Variants in ADGRV1 observed in about 807,000 individuals in gnomAD.
ADGRV1 encodes the protein G-protein coupled receptor 98.
ADGRV1 carries 359 observed loss-of-function variants against 596.2 expected under a neutral mutation model. That is an observed-to-expected ratio of 0.60 (90% CI 0.55 to 0.66). The LOEUF (loss-of-function observed/expected upper bound fraction) is 0.66. ADGRV1 is among the 30% of genes least tolerant of loss of function. The pLI is 0.00. For synonymous variants in ADGRV1, 2,681 were observed against 2,679.2 expected (o/e 1.00, Z -0.02); for missense variants, 7,274 against 7,575.6 (o/e 0.96, Z 1.48).
At chr5:90,682,760 C>A (rs544986175) in intron 27 of ADGRV1, among the ~76,000 whole-genome samples, 13 of 152,168 alleles carry the variant, frequency 8.5e-5, no homozygotes, top group African/African-American at 2.9e-4. Context: ...TTTGATGTAA[C>A]CATCATATTT....
At chr5:90,723,291 G>A (rs1751330304) in intron 45 of ADGRV1, among the ~76,000 whole-genome samples, 1 of 152,090 alleles carries the variant, frequency 6.6e-6, no homozygotes, top group Non-Finnish European at 1.5e-5. Context: ...TTAGTTTGGA[G>A]AGACCCAAGC....
At chr5:90,824,431 G>A (rs1159473429) in intron 76 of ADGRV1, among the ~76,000 whole-genome samples, 1 of 152,234 alleles carries the variant, frequency 6.6e-6, no homozygotes, top group East Asian at 1.9e-4. Flanking sequence ...GAAAGTTGAT[G>A]CAGGCAAATG....
intron 1 of ADGRV1, among the ~76,000 whole-genome samples, chr5:90,572,820 T>G (rs530281351): frequency 1.3e-5 from 2 of 152,208 alleles, no homozygotes; most frequent in Non-Finnish European, 2.9e-5. Flanking sequence ...GAAAATAAAG[T>G]AATTGGGGGA....
chr5:91,000,190 T>C (rs1226344053), intron 85 of ADGRV1, among the ~76,000 whole-genome samples: 1 of 152,164 alleles, frequency 6.6e-6, no homozygotes, highest in African/African-American at 2.4e-5. Flanking sequence ...TTTTATCTCC[T>C]GCTTATTTCA....
chr5:90,877,583 TG>T lies in ADGRV1; in HGVS notation c.17856+13728del, dbSNP rs202069544. 1.3e-3 allele frequency among the ~76,000 whole-genome samples: 185 copies of T among 142,696 alleles called. 2 individuals are homozygous for T. The highest frequency in any genetic ancestry group is 4.8e-3 in the African/African-American group (172 of 36,096). 93.6% of individuals were successfully genotyped at this position (142,696 alleles called of 152,430 possible). ...TAGGCATCAGTAGGGTTTCAGTGTG[TG>T]GTTTTTTTTTTTTTCATTTAATGTC... On this transcript the variant is annotated intron_variant, in intron 83 of 89. Transcript: ENST00000405460.
At chr5:90,872,608 T>C (rs1298178713) in intron 83 of ADGRV1, among the ~76,000 whole-genome samples, 2 of 152,226 alleles carry the variant, frequency 1.3e-5, no homozygotes, top group Non-Finnish European at 2.9e-5. Flanking sequence ...TGATAAACAC[T>C]TGATAAGTTA....
intron 1 of ADGRV1, among the ~76,000 whole-genome samples, chr5:90,571,149 T>C (rs1756474917): frequency 6.6e-6 from 1 of 151,874 alleles, no homozygotes; most frequent in Non-Finnish European, 1.5e-5. Context: ...TGTGTGGCCA[T>C]TGCAGTCTCT....
At chr5:91,152,787 C>T (rs1796167591) in intron 88 of ADGRV1, among the ~76,000 whole-genome samples, 1 of 152,122 alleles carries the variant, frequency 6.6e-6, no homozygotes, top group Admixed American at 6.5e-5. Flanking sequence ...CCACCTCAGC[C>T]TCCTGAGTAG....
At chr5:90,955,010 C>A (rs950616500) in intron 83 of ADGRV1, among the ~76,000 whole-genome samples, 1 of 151,862 alleles carries the variant, frequency 6.6e-6, no homozygotes, top group Non-Finnish European at 1.5e-5. Context: ...CCCTCATGAC[C>A]GAGATTTGTG....
At chr5:90,643,197 G>T (rs1767222670) in intron 13 of ADGRV1, among the ~76,000 whole-genome samples, 156 bp downstream of exon 13, 1 of 152,078 alleles carries the variant, frequency 6.6e-6, no homozygotes, top group African/African-American at 2.4e-5. Flanking sequence ...TTTAACAAAA[G>T]GTTTAAAAAT....
chr5:90,841,647 C>T (rs1160636763), intron 78 of ADGRV1, among the ~76,000 whole-genome samples: 1 of 151,814 alleles, frequency 6.6e-6, no homozygotes, highest in Admixed American at 6.6e-5. Context: ...AAAAAAAAAG[C>T]CTCCTTTGGA....
chr5:90,887,652 G>T (rs915814247), intron 83 of ADGRV1, among the ~76,000 whole-genome samples: 2 of 152,150 alleles, frequency 1.3e-5, no homozygotes, highest in African/African-American at 2.4e-5. Flanking sequence ...GTAGGGCCAA[G>T]AAGTGTTTAT....
chr5:90,666,174 A>G, intron 21 of ADGRV1, among the ~76,000 whole-genome samples: 1 of 148,634 alleles, frequency 6.7e-6, no homozygotes, highest in Non-Finnish European at 1.5e-5. Flanking sequence ...ATCCTTGTTG[A>G]CTTTCTGTCT....
chr5:91,072,342 A>G (rs1041826011), intron 85 of ADGRV1, 105 bp from the exon 86 acceptor site: 1 of 1,013,070 alleles, frequency 9.9e-7, no homozygotes, highest in Non-Finnish European at 1.5e-6. Context: ...TGTTGCCAGC[A>G]TCTGGATACA....
intron 52 of ADGRV1, among the ~76,000 whole-genome samples, chr5:90,747,019 A>G (rs540356632): frequency 6.6e-6 from 1 of 152,316 alleles, no homozygotes; most frequent in South Asian, 2.1e-4. Flanking sequence ...TGAGTGTACT[A>G]TGAAGAAATG....
Position 90,725,158 on chromosome 5 carries a change from C to A in ADGRV1, c.9979C>A (p.His3327Asn). 1 of 1,548,206 alleles carries A rather than the reference C, an allele frequency of 6.5e-7. No homozygotes were observed. Among genetic ancestry groups the A allele is most frequent in the Non-Finnish European group, 8.8e-7 (1 of 1,139,802 alleles). Residue 3327 changes from histidine (H) to asparagine (N), a missense_variant, in exon 47 of 90, where the codon CAT becomes AAT. Around this residue, in one of 5 missense-constraint regions of ADGRV1, gnomAD observed 3,643 missense variants for 3,809.2 expected, o/e 0.96. Coordinates refer to ENST00000405460, the MANE Select transcript of ADGRV1 (RefSeq NM_032119.4). ...IGFSPYFVIT[H>N]EERNEEKPSL... ...TTTTTCTCCCTACTTTGTGATTACT[C>A]ATGAAGAAAGAAATGAAGAAAAGCC... is the stretch of plus-strand genomic sequence containing the variant.
intron 2 of ADGRV1, among the ~76,000 whole-genome samples, chr5:90,616,123 AACTT>A (rs1763337272): frequency 6.6e-6 from 1 of 152,068 alleles, no homozygotes; most frequent in Non-Finnish European, 1.5e-5. Flanking sequence ...CACCCTTCAC[AACTT>A]ACTTGGATTT....
intron 50 of ADGRV1, among the ~76,000 whole-genome samples, chr5:90,733,021 G>C (rs1752750454): frequency 6.6e-6 from 1 of 152,190 alleles, no homozygotes; most frequent in South Asian, 2.1e-4. Flanking sequence ...CATAGCTTTG[G>C]TGTATAGAAT....
At chr5:90,662,585 G>GTCTTTGC (rs1770531279) in intron 21 of ADGRV1, among the ~76,000 whole-genome samples, 1 of 151,598 alleles carries the variant, frequency 6.6e-6, no homozygotes, top group African/African-American at 2.4e-5. Context: ...GAGAATCCTG[G>GTCTTTGC]TAGTTTTTTT....
Sources: gnomAD v4.1 joint callset for allele counts (sites outside exome capture counted in the v4.1 genomes callset) on GRCh38, gnomAD v4.1.1 for gene constraint, gnomAD v4.1.1 regional missense constraint, MANE v1.5 for transcripts, NCBI Gene and HGNC (gene_info 2026-07-23, HGNC 2026-07-21) for gene names.